ROCK1: variants seen among roughly 807,000 people sequenced by gnomAD.
ROCK1 encodes the protein rho-associated protein kinase 1.
ROCK1 carries 36 observed loss-of-function variants against 196.8 expected under a neutral mutation model. The observed-to-expected ratio is 0.18, with a 90% CI of 0.14 to 0.24. The LOEUF (loss-of-function observed/expected upper bound fraction) is 0.24, where lower values mean the gene tolerates loss of function less well. Ranked by LOEUF, ROCK1 falls within the 10% of genes least tolerant of loss-of-function variation. The probability of loss-of-function intolerance (pLI) is 1.00; values close to 1 mark genes in which losing one functional copy is unlikely to be tolerated. For synonymous variants in ROCK1, 443 were observed against 515.9 expected (o/e 0.86, Z 1.91); for missense variants, 920 against 1,562.0 (o/e 0.59, Z 6.93).
chr18:20,978,922 C>T (rs1287743941), intron 22 of ROCK1, among the ~76,000 whole-genome samples: 2 of 152,190 alleles, frequency 1.3e-5, no homozygotes, highest in East Asian at 1.9e-4. Flanking sequence ...TTGTTTGTTT[C>T]AACAACAGTC....
At chr18:21,109,395 G>C (rs766814619) in intron 1 of ROCK1, among the ~76,000 whole-genome samples, 1 of 152,138 alleles carries the variant, frequency 6.6e-6, no homozygotes, top group Non-Finnish European at 1.5e-5. Context: ...GTAATAAGGA[G>C]ATCGAAAAGC....
At position 20,968,766 on chromosome 18, in the gene ROCK1, G is replaced by A. The variant is rs751601609; in HGVS notation, c.3003+6C>T. The A allele has an allele frequency of 9.8e-6, 15 of 1,537,590 alleles. No individual in the cohort carries two copies. In the Admixed American group the frequency reaches 1.3e-4, roughly 14 times the overall value. ...AACATGTGGAAAAGATCGAAAGCAT[G>A]TATACCTGTGTTTTAAGGGTTCGTT... On this transcript the variant is annotated splice_donor_region_variant and intron_variant, in intron 25 of 32. Transcript: ENST00000399799.
chr18:21,043,453 T>C (rs530670876), intron 6 of ROCK1, among the ~76,000 whole-genome samples: 7 of 151,590 alleles, frequency 4.6e-5, no homozygotes, highest in African/African-American at 1.4e-4. Flanking sequence ...TCACTGTGTA[T>C]ATGAAGTGAA....
At chr18:21,009,784 T>G (rs2035800683) in intron 13 of ROCK1, among the ~76,000 whole-genome samples, 1 of 152,184 alleles carries the variant, frequency 6.6e-6, no homozygotes, top group Non-Finnish European at 1.5e-5. Flanking sequence ...TAGTTTTAAT[T>G]TGCACTTCCC....
intron 22 of ROCK1, among the ~76,000 whole-genome samples, chr18:20,975,037 T>TA (rs1250931903): frequency 6.6e-6 from 1 of 152,198 alleles, no homozygotes; most frequent in African/African-American, 2.4e-5. Context: ...GTGCTAGACA[T>TA]ACAGCAATGA....
intron 21 of ROCK1, among the ~76,000 whole-genome samples, chr18:20,980,609 A>G (rs995264141): frequency 8.5e-5 from 13 of 152,164 alleles, no homozygotes; most frequent in African/African-American, 3.1e-4. Flanking sequence ...TAAAATGGGT[A>G]TATTATATAG....
chr18:20,991,450 T>C (rs1438445759), intron 17 of ROCK1, 124 bp from the exon 18 acceptor site: 2 of 648,166 alleles, frequency 3.1e-6, no homozygotes, highest in Non-Finnish European at 5.0e-6. Flanking sequence ...TAAACACATA[T>C]AATTAAAAGC....
chr18:21,045,807 T>C (rs527984067), intron 4 of ROCK1, among the ~76,000 whole-genome samples: 1 of 151,794 alleles, frequency 6.6e-6, no homozygotes, highest in Non-Finnish European at 1.5e-5. Flanking sequence ...ATTTCTAATT[T>C]AACTTGTGCA....
intron 29 of ROCK1, among the ~76,000 whole-genome samples, chr18:20,958,992 AATAATATATATATTTTATATAATATAT>A (rs1241510070): frequency 3.6e-4 from 29 of 81,430 alleles, no homozygotes; most frequent in South Asian, 3.3e-3. Context: ...TTTTATAAAA[AATAATATATATATTTTATATAATATAT>A]ATAATATATA....
At chr18:21,038,333 G>C (rs577260099) in intron 9 of ROCK1, among the ~76,000 whole-genome samples, 2 of 152,160 alleles carry the variant, frequency 1.3e-5, no homozygotes, top group East Asian at 3.9e-4. Context: ...TGCTCTTACA[G>C]CTTCTCAGAC....
At chr18:21,068,767 G>A (rs2036358599) in intron 2 of ROCK1, among the ~76,000 whole-genome samples, 1 of 152,100 alleles carries the variant, frequency 6.6e-6, no homozygotes, top group African/African-American at 2.4e-5. Context: ...ATTCCCAATT[G>A]CTTGTTGTTA....
At chr18:21,021,275 G>C (rs1222366173) in intron 11 of ROCK1, among the ~76,000 whole-genome samples, 3 of 152,170 alleles carry the variant, frequency 2.0e-5, no homozygotes, top group African/African-American at 4.8e-5. Flanking sequence ...ACAGAAGAGA[G>C]AGAAAGATTC....
At chr18:21,059,666 A>G (rs1361356324) in intron 2 of ROCK1, among the ~76,000 whole-genome samples, 1 of 152,218 alleles carries the variant, frequency 6.6e-6, no homozygotes, top group African/African-American at 2.4e-5. Context: ...TTACCATATG[A>G]CCCACCAATT....
chr18:21,089,120 A>C (rs1488159815), intron 1 of ROCK1, among the ~76,000 whole-genome samples: 7 of 151,946 alleles, frequency 4.6e-5, no homozygotes, highest in African/African-American at 1.7e-4. Flanking sequence ...ATCTCAGCTC[A>C]CTGCAACCTC....
chr18:21,024,474 G>A (rs887060471), intron 10 of ROCK1, among the ~76,000 whole-genome samples: 4 of 152,064 alleles, frequency 2.6e-5, no homozygotes, highest in Admixed American at 6.6e-5. Context: ...ACCATGCTAC[G>A]ACTACCATAA....
chr18:21,094,651 A>G (rs2036597735), intron 1 of ROCK1, among the ~76,000 whole-genome samples: 1 of 151,806 alleles, frequency 6.6e-6, no homozygotes, highest in Non-Finnish European at 1.5e-5. Context: ...CAAGAGGCTG[A>G]GGTGAGAGAA....
At chr18:21,012,137 G>C (rs1246235925) in intron 13 of ROCK1, among the ~76,000 whole-genome samples, 1 of 152,120 alleles carries the variant, frequency 6.6e-6, no homozygotes, top group Non-Finnish European at 1.5e-5. Flanking sequence ...TTTTAGTAAA[G>C]ATGGGGTTTT....
rs1420385166 is a variant in ROCK1 at position 21,110,800 on chromosome 18, G to C, written c.93+18C>G. 3 of 1,603,950 alleles carry C rather than the reference G, an allele frequency of 1.9e-6. No individual in the cohort carries two copies. Among genetic ancestry groups the C allele is most frequent in the African/African-American group, 1.3e-5 (1 of 74,796 alleles). Reference sequence around the variant, plus strand: ...CATGCAAAACCCCAGACAAGCAAAAGAGAACAGCGCTACTCACCAGCAAAC... The same window carrying C: ...CATGCAAAACCCCAGACAAGCAAAACAGAACAGCGCTACTCACCAGCAAAC... On this transcript the variant is annotated intron_variant, in intron 1 of 32. Transcript: ENST00000399799.
Position 20,947,668 on chromosome 18 carries a change from A to G in ROCK1, c.*3716T>C, listed in dbSNP as rs560897852. 4.6e-5 allele frequency: 7 copies of G among 152,284 alleles called. No homozygotes were observed. Among genetic ancestry groups the G allele is most frequent in the African/African-American group, 1.7e-4 (7 of 41,562 alleles). 9.4% of individuals were successfully genotyped at this position (152,284 alleles called of 1,614,324 possible). A position where few individuals can be genotyped will look rare whatever the true frequency, so the allele number is the denominator to read the frequency against. On this transcript the variant is annotated 3_prime_UTR_variant, in exon 33 of 33. Coordinates refer to ENST00000399799, the MANE Select transcript of ROCK1 (RefSeq NM_005406.3). ...TCGGATTGTCATTATATGACTATTT[A>G]TTAACCTAATGATCAACTTTAAAAA...
Sources: gnomAD v4.1 joint callset for allele counts (sites outside exome capture counted in the v4.1 genomes callset) on GRCh38, gnomAD v4.1.1 for gene constraint, MANE v1.5 for transcripts, NCBI Gene and HGNC (gene_info 2026-07-23, HGNC 2026-07-21) for gene names.